The following RASA3 variants were observed in gnomAD, a reference collection of about 807,000 sequenced individuals.
RASA3 encodes ras GTPase-activating protein 3.
A neutral mutation model predicts 110.0 loss-of-function variants in RASA3; 73 were observed. The ratio of observed to expected loss-of-function variants is 0.66; its 90% CI spans 0.55 to 0.81. The LOEUF (loss-of-function observed/expected upper bound fraction) is 0.81, where lower values mean the gene tolerates loss of function less well. RASA3 is among the 30% of genes least tolerant of loss of function. The pLI, the probability that RASA3 is intolerant of heterozygous loss-of-function variation, is 0.00. For missense variants in RASA3, 976 were observed against 1,113.2 expected, an observed-to-expected ratio of 0.88 and a Z score of 1.75; for synonymous variants, 500 against 451.4, an observed-to-expected ratio of 1.11 and a Z score of -1.37.
At chr13:114,102,020 C>T (rs944685383) in intron 1 of RASA3, among the ~76,000 whole-genome samples, 2 of 152,306 alleles carry the variant, frequency 1.3e-5, no homozygotes, top group East Asian at 1.9e-4. Context: ...TGAAAGACCC[C>T]GTGCCCAGCA....
chr13:114,123,062 G>A (rs927846183), intron 1 of RASA3, among the ~76,000 whole-genome samples: 4 of 152,230 alleles, frequency 2.6e-5, no homozygotes, highest in African/African-American at 4.8e-5. Context: ...TTCGGTGCGT[G>A]CCCGGCATGG....
chr13:114,010,333 C>G (rs761433173), intron 16 of RASA3, among the ~76,000 whole-genome samples: 3 of 151,992 alleles, frequency 2.0e-5, no homozygotes. Flanking sequence ...GACGGAGCCC[C>G]GAGGGGGCCC....
chr13:114,025,026 C>T (rs1445179522), intron 7 of RASA3, among the ~76,000 whole-genome samples: 1 of 152,230 alleles, frequency 6.6e-6, no homozygotes, highest in Non-Finnish European at 1.5e-5. Context: ...CTCCAGGAGA[C>T]AGTGGTTATC....
intron 1 of RASA3, among the ~76,000 whole-genome samples, chr13:114,116,117 G>A (rs368805574): frequency 1.3e-5 from 2 of 152,212 alleles, no homozygotes; most frequent in Non-Finnish European, 2.9e-5. Context: ...GTGCCCTCTC[G>A]GCCAGCCTTG....
intron 2 of RASA3, among the ~76,000 whole-genome samples, chr13:114,069,622 G>T (rs1188926394): frequency 1.6e-5 from 1 of 60,924 alleles, no homozygotes; most frequent in Admixed American, 1.5e-4. Flanking sequence ...GAGATTCGGG[G>T]ACCGGGAGAC....
chr13:114,015,863 G>A (rs188138744), intron 13 of RASA3, among the ~76,000 whole-genome samples: 2 of 152,110 alleles, frequency 1.3e-5, no homozygotes, highest in Admixed American at 6.5e-5. Flanking sequence ...AGCTGGTCAG[G>A]ATTGTCCAGG....
At chr13:114,042,659 G>A (rs1031741098) in intron 3 of RASA3, among the ~76,000 whole-genome samples, 3 of 152,206 alleles carry the variant, frequency 2.0e-5, no homozygotes, top group South Asian at 2.1e-4. Flanking sequence ...CCAGGACAGC[G>A]CAGCCCAGCC....
chr13:114,080,673 CAG>C (rs67864550), intron 1 of RASA3, among the ~76,000 whole-genome samples: 69 of 129,010 alleles, frequency 5.3e-4, no homozygotes, highest in African/African-American at 1.8e-3. Context: ...ACGGCTGAAA[CAG>C]GGGTCTCCCC....
chr13:114,132,266 A>C (rs1035790789), intron 1 of RASA3, among the ~76,000 whole-genome samples, 169 bp downstream of exon 1: 2 of 151,168 alleles, frequency 1.3e-5, no homozygotes, highest in Non-Finnish European at 3.0e-5. Flanking sequence ...GGAGGCGGGG[A>C]GGTGGGGAGG....
At chr13:113,993,278 C>T (rs143230743) in intron 21 of RASA3, among the ~76,000 whole-genome samples, 1 of 152,040 alleles carries the variant, frequency 6.6e-6, no homozygotes, top group African/African-American at 2.4e-5. Context: ...TGGGTTTAAG[C>T]GATTCTCTTG....
At chr13:113,999,790 G>A (rs1214510262) in intron 19 of RASA3, 123 bp from the exon 20 acceptor site, 9 of 254,820 alleles carry the variant, frequency 3.5e-5, no homozygotes, top group African/African-American at 1.4e-4. Context: ...TCTCTGCCAG[G>A]GGGTCTCTAC....
At chr13:114,079,845 G>A (rs751479862) in intron 1 of RASA3, among the ~76,000 whole-genome samples, 6 of 152,092 alleles carry the variant, frequency 3.9e-5, no homozygotes, top group Non-Finnish European at 5.9e-5. Context: ...CTCCCCACCC[G>A]GCACCCTCCG....
intron 1 of RASA3, among the ~76,000 whole-genome samples, chr13:114,131,365 G>A (rs747353796): frequency 1.3e-5 from 2 of 152,068 alleles, no homozygotes; most frequent in African/African-American, 2.4e-5. Flanking sequence ...CCTGAACCGC[G>A]CTGTGGTCCA....
intron 1 of RASA3, among the ~76,000 whole-genome samples, chr13:114,125,581 C>A (rs1439777861): frequency 6.6e-6 from 1 of 152,172 alleles, no homozygotes; most frequent in Non-Finnish European, 1.5e-5. Context: ...CCACTTCCAA[C>A]GACGGGGTGA....
chr13:114,018,083 C>A (rs776215685), intron 11 of RASA3, 21 bp downstream of exon 11: 52 of 1,495,642 alleles, frequency 3.5e-5, no homozygotes, highest in Non-Finnish European at 4.6e-5. Flanking sequence ...CGCTCTCCCC[C>A]GGGGCAGGGT....
chr13:114,047,817 G>C (rs1375523121), intron 3 of RASA3, among the ~76,000 whole-genome samples: 1 of 152,226 alleles, frequency 6.6e-6, no homozygotes, highest in Non-Finnish European at 1.5e-5. Context: ...GGCAACTGTG[G>C]GAACAGGCCT....
At position 114,000,927 on chromosome 13, in the gene RASA3, A is replaced by G. The variant is rs762151747; in HGVS notation, c.1748T>C (p.Met583Thr). 2 of 1,611,326 alleles carry G rather than the reference A, an allele frequency of 1.2e-6. No homozygotes were observed. The highest frequency in any genetic ancestry group is 1.7e-6 in the Non-Finnish European group (2 of 1,177,792). Residue 583 changes from methionine (M) to threonine (T), a missense_variant, in exon 19 of 24, where the codon ATG becomes ACG. Physicochemically the swap from Met to Thr is moderately conservative, Grantham distance 81. Around this residue, in one of 4 missense-constraint regions of RASA3, gnomAD observed 732 missense variants for 779.7 expected, o/e 0.94. Transcript: ENST00000334062. The stretch of plus-strand genomic sequence containing the variant: ...CTTCCGTCCTTGGGCCCTCTTGATC[A>G]TGAACCTGTGTGAAGAGCACACAGG... Reference protein sequence around the residue: ...EQPIVLKEGFMIKRAQGRKRF... With the variant: ...EQPIVLKEGFTIKRAQGRKRF...
At chr13:114,132,355 A>T in intron 1 of RASA3, 80 bp downstream of exon 1, 1 of 1,368,634 alleles carries the variant, frequency 7.3e-7, no homozygotes, top group Non-Finnish European at 9.5e-7. Flanking sequence ...CCCAGCAAGG[A>T]TCTGCGGAGG....
At chr13:114,013,520 TCTC>T (rs1366542810) in intron 14 of RASA3, among the ~76,000 whole-genome samples, 1 of 148,238 alleles carries the variant, frequency 6.7e-6, no homozygotes, top group East Asian at 2.1e-4. Context: ...TTTGTCTCTC[TCTC>T]ATCTCTCTGT....
Sources: allele counts gnomAD v4.1 joint callset (sites outside exome capture counted in the v4.1 genomes callset), GRCh38; gene constraint gnomAD v4.1.1; regional missense constraint gnomAD v4.1.1; transcripts MANE v1.5; gene names NCBI Gene and HGNC (gene_info 2026-07-23, HGNC 2026-07-21).